The following FAM107B variants were observed in gnomAD, a reference collection of about 807,000 sequenced individuals.
FAM107B encodes protein FAM107B.
Under a neutral mutation model 31.5 loss-of-function variants are expected in FAM107B, and 21 were observed. The ratio of observed to expected loss-of-function variants is 0.67; its 90% CI spans 0.47 to 0.96. The LOEUF is 0.96. Among genes scored for constraint, FAM107B ranks in the 40% least tolerant of loss-of-function variants. The pLI is 0.00. For missense variants in FAM107B, 452 were observed against 377.1 expected, an observed-to-expected ratio of 1.20 and a Z score of -1.64; for synonymous variants, 157 against 141.5, an observed-to-expected ratio of 1.11 and a Z score of -0.78.
intron 2 of FAM107B, among the ~76,000 whole-genome samples, chr10:14,542,242 C>T (rs1848280138): frequency 6.7e-6 from 1 of 149,882 alleles, no homozygotes; most frequent in Non-Finnish European, 1.5e-5. Flanking sequence ...TTCACTCCAG[C>T]CTGGGCAATG....
intron 2 of FAM107B, among the ~76,000 whole-genome samples, chr10:14,564,609 A>C (rs2131202275): frequency 6.6e-6 from 1 of 151,872 alleles, no homozygotes; most frequent in Admixed American, 6.5e-5. Flanking sequence ...CTCCATGGTT[A>C]ATCATCACCT....
At chr10:14,611,644 T>C (rs1360422817) in intron 2 of FAM107B, among the ~76,000 whole-genome samples, 1 of 151,616 alleles carries the variant, frequency 6.6e-6, no homozygotes, top group South Asian at 2.1e-4. Flanking sequence ...TATCCAAAGC[T>C]TCAGTTTCCT....
chr10:14,589,451 G>C (rs1588638543), intron 2 of FAM107B, among the ~76,000 whole-genome samples: 2 of 152,182 alleles, frequency 1.3e-5, no homozygotes, highest in South Asian at 2.1e-4. Context: ...AATTAGAGCT[G>C]GTAGGTTTTT....
chr10:14,705,836 G>A (rs1431539566), intron 1 of FAM107B, among the ~76,000 whole-genome samples: 1 of 152,160 alleles, frequency 6.6e-6, no homozygotes, highest in East Asian at 1.9e-4. Flanking sequence ...TGCCACTTGT[G>A]ATCTGAGAGG....
intron 2 of FAM107B, among the ~76,000 whole-genome samples, chr10:14,660,065 G>C (rs1019926037): frequency 1.3e-5 from 2 of 152,140 alleles, no homozygotes. Context: ...GCTCCACTCA[G>C]TTCTAGGTGA....
chr10:14,674,470 C>T (rs1268969656), intron 1 of FAM107B, among the ~76,000 whole-genome samples: 1 of 152,184 alleles, frequency 6.6e-6, no homozygotes, highest in Non-Finnish European at 1.5e-5. Flanking sequence ...TGTAAAACCA[C>T]CACTTTGTTT....
intron 2 of FAM107B, among the ~76,000 whole-genome samples, chr10:14,571,345 T>C (rs1179487062): frequency 6.6e-6 from 1 of 152,158 alleles, no homozygotes; most frequent in Admixed American, 6.5e-5. Flanking sequence ...CAATCTTCAC[T>C]AGATAGTCAA....
At chr10:14,620,116 T>C (rs562410444) in intron 2 of FAM107B, among the ~76,000 whole-genome samples, 1 of 149,914 alleles carries the variant, frequency 6.7e-6, no homozygotes, top group Non-Finnish European at 1.5e-5. Context: ...GCTCCCAGGT[T>C]CAAGCCATTC....
At chr10:14,623,302 A>G (rs1241388811) in intron 2 of FAM107B, among the ~76,000 whole-genome samples, 3 of 152,256 alleles carry the variant, frequency 2.0e-5, no homozygotes, top group Admixed American at 6.5e-5. Flanking sequence ...AGGACAGCTT[A>G]TCACCTGCAA....
intron 1 of FAM107B, among the ~76,000 whole-genome samples, chr10:14,751,688 GA>G (rs947618637): frequency 6.6e-6 from 1 of 151,912 alleles, no homozygotes; most frequent in African/African-American, 2.4e-5. Flanking sequence ...GAAATTATTT[GA>G]AAAAACTGTG....
chr10:14,646,300 TTG>T (rs1394572467), intron 2 of FAM107B, among the ~76,000 whole-genome samples: 1 of 152,112 alleles, frequency 6.6e-6, no homozygotes, highest in Non-Finnish European at 1.5e-5. Flanking sequence ...ATAGTGTACA[TTG>T]TACCTAATAG....
chr10:14,715,848 C>G (rs1156913023), intron 1 of FAM107B, among the ~76,000 whole-genome samples: 3 of 152,152 alleles, frequency 2.0e-5, no homozygotes, highest in Non-Finnish European at 4.4e-5. Context: ...CCATTGGCTT[C>G]CATGATTCTC....
intron 2 of FAM107B, among the ~76,000 whole-genome samples, chr10:14,616,938 A>G (rs1852868938): frequency 6.6e-6 from 1 of 152,196 alleles, no homozygotes; most frequent in East Asian, 1.9e-4. Context: ...AAAATAAAAT[A>G]AAAGAGAGAG....
chr10:14,741,424 G>C (rs190497645), intron 1 of FAM107B, among the ~76,000 whole-genome samples: 1 of 152,238 alleles, frequency 6.6e-6, no homozygotes, highest in Admixed American at 6.5e-5. Context: ...GCCAGAGAGA[G>C]AGCATCCACT....
chr10:14,665,325 G>A (rs1383520666), intron 2 of FAM107B, among the ~76,000 whole-genome samples: 1 of 152,138 alleles, frequency 6.6e-6, no homozygotes, highest in Non-Finnish European at 1.5e-5. Flanking sequence ...CTAAGGAGCT[G>A]GGAACCCTAG....
intron 2 of FAM107B, among the ~76,000 whole-genome samples, chr10:14,650,944 C>G (rs1313924745): frequency 6.6e-6 from 1 of 152,210 alleles, no homozygotes; most frequent in Non-Finnish European, 1.5e-5. Flanking sequence ...AAGGAAACTT[C>G]TAGCGTCTGA....
intron 1 of FAM107B, among the ~76,000 whole-genome samples, chr10:14,691,891 C>CGAA (rs765508071): frequency 1.1e-4 from 11 of 103,304 alleles, no homozygotes; most frequent in Admixed American, 2.8e-4. Context: ...GAGACTCTGT[C>CGAA]ACAAAAAAAA....
At chr10:14,567,488 T>C (rs876654) in intron 2 of FAM107B, among the ~76,000 whole-genome samples, 113,148 of 151,946 alleles carry the variant, frequency 0.74, 43,186 homozygotes, top group Middle Eastern at 0.86. Flanking sequence ...TGAGGAAAAT[T>C]TGATTTCCAG....
chr10:14,633,432 A>T (rs147333095), intron 2 of FAM107B, among the ~76,000 whole-genome samples: 1 of 152,364 alleles, frequency 6.6e-6, no homozygotes, highest in African/African-American at 2.4e-5. Flanking sequence ...TAATCAACCT[A>T]ATACTGCAGA....
Sources: allele counts gnomAD v4.1 joint callset (sites outside exome capture counted in the v4.1 genomes callset), GRCh38; gene constraint gnomAD v4.1.1; transcripts MANE v1.5; gene names NCBI Gene and HGNC (gene_info 2026-07-23, HGNC 2026-07-21).